Variants in SEMA3E observed in about 807,000 individuals in gnomAD.
The protein encoded by SEMA3E is semaphorin 3E.
Under a neutral mutation model 93.6 loss-of-function variants are expected in SEMA3E, and 49 were observed. That is an observed-to-expected ratio of 0.52 (90% CI 0.42 to 0.66). The LOEUF is 0.66. SEMA3E is among the 30% of genes least tolerant of loss of function. The pLI is 0.00. For missense variants in SEMA3E, 906 were observed against 964.8 expected (o/e 0.94, Z 0.81); for synonymous variants, 363 against 330.7 (o/e 1.10, Z -1.06).
At position 83,469,011 on chromosome 7, in the gene SEMA3E, A is replaced by G. The variant is rs2723010; in HGVS notation, c.336+232T>C. ...GGAATGTATAAACCCAAGTTGATTA[A>G]GATATTAGAAAACAAAATAAAAACC... On this transcript the variant is annotated intron_variant, in intron 3 of 16. Transcript: ENST00000643230. Among the ~76,000 whole-genome samples the G allele has an allele frequency of 0.44, 66,896 of 152,060 alleles. 16,171 individuals carry two copies. The highest frequency in any genetic ancestry group is 0.66 in the East Asian group (3,425 of 5,172).
chr7:83,436,655 T>G (rs892631433), intron 4 of SEMA3E, among the ~76,000 whole-genome samples: 1 of 152,076 alleles, frequency 6.6e-6, no homozygotes, highest in African/African-American at 2.4e-5. Flanking sequence ...AAAACTGATG[T>G]CTTAAAAATC....
chr7:83,455,654 G>A (rs1264539691), intron 4 of SEMA3E, among the ~76,000 whole-genome samples: 7 of 152,152 alleles, frequency 4.6e-5, no homozygotes, highest in Admixed American at 2.6e-4. Flanking sequence ...TATGGCAAAC[G>A]TGATGGGATA....
intron 1 of SEMA3E, among the ~76,000 whole-genome samples, chr7:83,574,247 T>C (rs215286): frequency 0.43 from 65,026 of 151,954 alleles, 15,017 homozygotes; most frequent in African/African-American, 0.61. Context: ...AAGAACAAAG[T>C]GATAGATAGT....
intron 4 of SEMA3E, among the ~76,000 whole-genome samples, chr7:83,458,774 AAAG>A (rs1789546107): frequency 6.6e-6 from 1 of 151,558 alleles, no homozygotes; most frequent in African/African-American, 2.4e-5. Context: ...AAGCAGAGGA[AAAG>A]AAGGTTGAAT....
chr7:83,624,427 G>C (rs551545661), intron 1 of SEMA3E, among the ~76,000 whole-genome samples: 201 of 152,244 alleles, frequency 1.3e-3, no homozygotes, highest in Non-Finnish European at 2.3e-3. Context: ...TTAATGGCAT[G>C]AGTTGGTATG....
intron 4 of SEMA3E, among the ~76,000 whole-genome samples, chr7:83,457,896 C>CT (rs1007013933): frequency 6.6e-6 from 1 of 152,108 alleles, no homozygotes; most frequent in Admixed American, 6.6e-5. Context: ...CTCTTAGCTG[C>CT]TTAATCAAAG....
intron 4 of SEMA3E, among the ~76,000 whole-genome samples, chr7:83,461,566 G>A (rs570972277): frequency 1.3e-5 from 2 of 152,300 alleles, no homozygotes; most frequent in Admixed American, 1.3e-4. Context: ...AAATCAGATA[G>A]CGTTTAGGCT....
At chr7:83,636,927 AT>A (rs1456858146) in intron 1 of SEMA3E, among the ~76,000 whole-genome samples, 1 of 152,056 alleles carries the variant, frequency 6.6e-6, no homozygotes, top group Admixed American at 6.6e-5. Flanking sequence ...CCCTTGATAT[AT>A]AAAAAAAGCA....
At chr7:83,546,858 G>A (rs1425532024) in intron 1 of SEMA3E, among the ~76,000 whole-genome samples, 2 of 152,080 alleles carry the variant, frequency 1.3e-5, no homozygotes, top group Admixed American at 6.6e-5. Flanking sequence ...ACTGGTTGAA[G>A]TAAATGTTAC....
At chr7:83,644,849 C>T (rs1794059394) in intron 1 of SEMA3E, among the ~76,000 whole-genome samples, 1 of 151,946 alleles carries the variant, frequency 6.6e-6, no homozygotes, top group African/African-American at 2.4e-5. Context: ...TTTAGGAATG[C>T]TCTTCTGCCA....
At chr7:83,623,740 C>CT (rs925550067) in intron 1 of SEMA3E, among the ~76,000 whole-genome samples, 4 of 151,680 alleles carry the variant, frequency 2.6e-5, no homozygotes, top group African/African-American at 4.8e-5. Flanking sequence ...TGTTTCATTT[C>CT]TTTTTTTTCC....
At chr7:83,509,118 A>G (rs1790762293) in intron 1 of SEMA3E, among the ~76,000 whole-genome samples, 1 of 150,980 alleles carries the variant, frequency 6.6e-6, no homozygotes, top group African/African-American at 2.5e-5. Context: ...AAGAGACTCT[A>G]TTAAAATTTT....
Position 83,625,732 on chromosome 7 carries a change from C to A in SEMA3E, c.115+22696G>T, listed in dbSNP as rs555032622. Among the ~76,000 whole-genome samples, 30 of 151,858 alleles carry A rather than the reference C, an allele frequency of 2.0e-4. No homozygotes were observed. In the South Asian group the frequency reaches 5.8e-3, roughly 30 times the overall value. ...GGCATGATTGCCCTGGCCAGAACTT[C>A]CAATATTATGTTAAATAGGAGTGGG... On this transcript the variant is annotated intron_variant, in intron 1 of 16. Transcript: ENST00000643230.
chr7:83,480,218 A>G (rs903287524), intron 2 of SEMA3E, among the ~76,000 whole-genome samples: 5 of 152,178 alleles, frequency 3.3e-5, no homozygotes, highest in Admixed American at 6.5e-5. Context: ...AGGCAGGTAG[A>G]TTACCTGAGG....
intron 12 of SEMA3E, among the ~76,000 whole-genome samples, chr7:83,395,621 T>A (rs1788104583): frequency 6.6e-6 from 1 of 152,168 alleles, no homozygotes; most frequent in Admixed American, 6.6e-5. Context: ...TAAATAAATA[T>A]CTTTTTCATG....
At chr7:83,542,640 G>C (rs1418908135) in intron 1 of SEMA3E, among the ~76,000 whole-genome samples, 1 of 151,942 alleles carries the variant, frequency 6.6e-6, no homozygotes, top group Admixed American at 6.6e-5. Flanking sequence ...GAAATAACAT[G>C]TAATATTTCA....
intron 4 of SEMA3E, among the ~76,000 whole-genome samples, chr7:83,448,744 A>G (rs1421339745): frequency 6.6e-6 from 1 of 152,196 alleles, no homozygotes; most frequent in Non-Finnish European, 1.5e-5. Flanking sequence ...CAAAACATCC[A>G]CCATTACTCA....
chr7:83,582,651 A>T (rs1792537491), intron 1 of SEMA3E, among the ~76,000 whole-genome samples: 1 of 152,160 alleles, frequency 6.6e-6, no homozygotes, highest in African/African-American at 2.4e-5. Flanking sequence ...AAATAATTTA[A>T]TATCTATTTG....
At chr7:83,394,545 A>T (rs1050530308) in intron 12 of SEMA3E, among the ~76,000 whole-genome samples, 3 of 151,604 alleles carry the variant, frequency 2.0e-5, no homozygotes, top group Non-Finnish European at 4.4e-5. Context: ...AGATATGCAG[A>T]TGAGAAGAGC....
Sources: allele counts gnomAD v4.1 joint callset (sites outside exome capture counted in the v4.1 genomes callset), GRCh38; gene constraint gnomAD v4.1.1; transcripts MANE v1.5; gene names NCBI Gene and HGNC (gene_info 2026-07-23, HGNC 2026-07-21).